Variants in ARHGAP44 observed in about 807,000 individuals in gnomAD.
ARHGAP44 encodes Rho GTPase activating protein 44.
In ARHGAP44, 43 loss-of-function variants were observed where a neutral mutation model predicts 106.8. The ratio of observed to expected loss-of-function variants is 0.40; its 90% CI spans 0.32 to 0.52. The LOEUF is 0.52. Among genes scored for constraint, ARHGAP44 ranks in the 20% least tolerant of loss-of-function variants. The pLI is 0.48. For synonymous variants in ARHGAP44, 439 were observed against 410.3 expected (o/e 1.07, Z -0.85); for missense variants, 866 against 1,050.5 (o/e 0.82, Z 2.43).
At chr17:12,799,187 C>T (rs2034014394) in intron 1 of ARHGAP44, among the ~76,000 whole-genome samples, 1 of 152,160 alleles carries the variant, frequency 6.6e-6, no homozygotes, top group Admixed American at 6.5e-5. Flanking sequence ...AGATCCTTTC[C>T]TCCTGATTTC....
At position 12,921,129 on chromosome 17, in the gene ARHGAP44, C is replaced by T. The variant is rs149161693; in HGVS notation, c.464+1298C>T. On this transcript the variant is annotated intron_variant, in intron 6 of 20. Transcript: ENST00000379672. ...TCACCCAGGCTGGAGTGCAGTGGCG[C>T]GGTCTCTGCTCACTGCAACCTCCGC... is the stretch of plus-strand genomic sequence containing the variant. Among the ~76,000 whole-genome samples the T allele has an allele frequency of 3.1e-3, 460 of 150,296 alleles. 4 individuals carry two copies. The highest frequency in any genetic ancestry group is 0.011 in the African/African-American group (443 of 40,858).
chr17:12,909,109 T>C (rs1013093400), intron 4 of ARHGAP44, 136 bp downstream of exon 4: 1 of 721,822 alleles, frequency 1.4e-6, no homozygotes, highest in Non-Finnish European at 2.2e-6. Flanking sequence ...ATGTTACCAG[T>C]AGGAAATCAG....
intron 1 of ARHGAP44, among the ~76,000 whole-genome samples, chr17:12,802,047 T>C (rs1010189992): frequency 6.6e-6 from 1 of 152,222 alleles, no homozygotes; most frequent in Non-Finnish European, 1.5e-5. Flanking sequence ...AAATCTCTTA[T>C]CTTTAATGTT....
At chr17:12,923,681 C>A (rs958360177) in intron 6 of ARHGAP44, among the ~76,000 whole-genome samples, 3 of 152,138 alleles carry the variant, frequency 2.0e-5, no homozygotes, top group African/African-American at 4.8e-5. Context: ...GCATTTTTAG[C>A]AAAGGTATAC....
intron 1 of ARHGAP44, among the ~76,000 whole-genome samples, chr17:12,829,589 G>A (rs2035027968): frequency 6.6e-6 from 1 of 152,066 alleles, no homozygotes; most frequent in Non-Finnish European, 1.5e-5. Flanking sequence ...TTTGTTAGTG[G>A]TGATCATTTG....
chr17:12,869,744 TTTGAC>T (rs1222357011), intron 1 of ARHGAP44, among the ~76,000 whole-genome samples: 6 of 152,130 alleles, frequency 3.9e-5, no homozygotes, highest in Non-Finnish European at 8.8e-5. Context: ...CTAATAACAC[TTTGAC>T]TTATACCTTA....
intron 1 of ARHGAP44, among the ~76,000 whole-genome samples, chr17:12,863,161 A>C (rs1297084526): frequency 6.6e-6 from 1 of 151,880 alleles, no homozygotes; most frequent in Non-Finnish European, 1.5e-5. Flanking sequence ...AATAATTTTA[A>C]AAAATTAAAA....
chr17:12,974,209 G>A lies in ARHGAP44; in HGVS notation c.1662G>A (p.Ala554=), dbSNP rs779186137. 3.2e-6 allele frequency: 5 copies of A among 1,547,272 alleles called. No individual in the cohort carries two copies. The highest frequency in any genetic ancestry group is 2.4e-5 in the East Asian group (1 of 40,880). The change falls in exon 18 of 21, where the codon GCG becomes GCA. Residue 554 remains alanine (A), a synonymous_variant. Transcript: ENST00000379672. ...QPPAPPAELA[A]PLPSPLPEQP... The stretch of plus-strand genomic sequence containing the variant: ...CCGCCCCGCCCGCCGAGCTGGCTGC[G>A]CCCCTGCCTTCGCCGCTGCCGGAGC...
In ARHGAP44 at chr17:12,903,115, AGAGAGAGAGAG is replaced by A. The variant is rs1261328915; in HGVS notation, c.199-5770_199-5760del. 8.1e-3 allele frequency among the ~76,000 whole-genome samples: 631 copies of A among 78,080 alleles called. 1 individual carries two copies. Among genetic ancestry groups the A allele is most frequent in the East Asian group, 0.019 (23 of 1,240 alleles). 51.2% of individuals were successfully genotyped at this position (78,080 alleles called of 152,430 possible). ...GAGAGAGAGAGAGAGAGAGAGAGAG[AGAGAGAGAGAG>A]GAGAGAGAGAGAGAGTGTGTGTGTG... On this transcript the variant is annotated intron_variant, in intron 3 of 20. Transcript: ENST00000379672.
chr17:12,866,515 GAAA>G (rs905567396), intron 1 of ARHGAP44, among the ~76,000 whole-genome samples: 1 of 149,104 alleles, frequency 6.7e-6, no homozygotes, highest in Non-Finnish European at 1.5e-5. Flanking sequence ...AGAGAGAGAG[GAAA>G]AAAAAAATCT....
chr17:12,801,785 T>C (rs913299704), intron 1 of ARHGAP44, among the ~76,000 whole-genome samples: 2 of 152,166 alleles, frequency 1.3e-5, no homozygotes, highest in East Asian at 3.9e-4. Flanking sequence ...AGATTAAGCA[T>C]AAAATGTTAT....
chr17:12,812,112 A>ACC (rs2034457288), intron 1 of ARHGAP44, among the ~76,000 whole-genome samples: 1 of 152,190 alleles, frequency 6.6e-6, no homozygotes, highest in Non-Finnish European at 1.5e-5. Context: ...GGGGTGGGGA[A>ACC]CATGAGGCAA....
intron 16 of ARHGAP44, among the ~76,000 whole-genome samples, chr17:12,966,645 T>C (rs763882277): frequency 1.2e-4 from 18 of 152,226 alleles, no homozygotes; most frequent in Non-Finnish European, 2.6e-4. Flanking sequence ...TCCCTGAATG[T>C]GCACGCCTAC....
rs369402209 is a variant in ARHGAP44 at position 12,819,271 on chromosome 17, AT to A, written c.53+29389del. Among the ~76,000 whole-genome samples, 838 of 151,132 alleles carry A rather than the reference AT, an allele frequency of 5.5e-3. 7 individuals carry two copies. Among genetic ancestry groups the A allele is most frequent in the African/African-American group, 0.017 (705 of 41,278 alleles). The stretch of plus-strand genomic sequence containing the variant: ...ATTCATACGTGTTGCATATATCAGT[AT>A]TTTTTTTTGGTCTTTTTAAGTATTT... On this transcript the variant is annotated intron_variant, in intron 1 of 20. Transcript: ENST00000379672.
intron 1 of ARHGAP44, among the ~76,000 whole-genome samples, chr17:12,796,307 A>G (rs980591333): frequency 6.6e-6 from 1 of 152,088 alleles, no homozygotes; most frequent in Admixed American, 6.6e-5. Context: ...ACAGTATTCC[A>G]CTGTAGTTAA....
intron 1 of ARHGAP44, among the ~76,000 whole-genome samples, chr17:12,886,074 C>A (rs1184584377): frequency 1.3e-5 from 2 of 152,046 alleles, no homozygotes; most frequent in Non-Finnish European, 2.9e-5. Context: ...TTTATGTATT[C>A]TGTAGCAATT....
chr17:12,985,012 C>A, intron 20 of ARHGAP44, 104 bp downstream of exon 20: 1 of 1,423,804 alleles, frequency 7.0e-7, no homozygotes, highest in Non-Finnish European at 9.4e-7. Flanking sequence ...TTCCTGCGTG[C>A]TTTGGGATGA....
intron 1 of ARHGAP44, among the ~76,000 whole-genome samples, chr17:12,869,337 G>A (rs890523388): frequency 6.6e-6 from 1 of 152,098 alleles, no homozygotes; most frequent in Non-Finnish European, 1.5e-5. Context: ...GTTAACATTA[G>A]CAATATTAAG....
intron 1 of ARHGAP44, among the ~76,000 whole-genome samples, chr17:12,821,057 T>C (rs1282931216): frequency 6.6e-6 from 1 of 152,208 alleles, no homozygotes; most frequent in Non-Finnish European, 1.5e-5. Flanking sequence ...TGGGAAGATA[T>C]TTGGCACTGA....
Sources: allele counts gnomAD v4.1 joint callset (sites outside exome capture counted in the v4.1 genomes callset), GRCh38; gene constraint gnomAD v4.1.1; transcripts MANE v1.5; gene names NCBI Gene and HGNC (gene_info 2026-07-23, HGNC 2026-07-21).